CPNE4: variants seen among roughly 807,000 people sequenced by gnomAD.
The protein encoded by CPNE4 is copine-4.
A neutral mutation model predicts 67.9 loss-of-function variants in CPNE4; 25 were observed. That is an observed-to-expected ratio of 0.37 (90% CI 0.27 to 0.51). The LOEUF is 0.51. Among genes scored for constraint, CPNE4 ranks in the 20% least tolerant of loss-of-function variants. The pLI is 0.93. For synonymous variants in CPNE4, 242 were observed against 244.9 expected, an observed-to-expected ratio of 0.99 and a Z score of 0.11; for missense variants, 464 against 690.8, an observed-to-expected ratio of 0.67 and a Z score of 3.68.
At chr3:131,630,594 A>T (rs983270611) in intron 7 of CPNE4, among the ~76,000 whole-genome samples, 2 of 152,224 alleles carry the variant, frequency 1.3e-5, no homozygotes, top group Non-Finnish European at 2.9e-5. Flanking sequence ...ATTTTAAACA[A>T]TGAAAATAAA....
chr3:131,801,559 G>C (rs114934294), intron 2 of CPNE4, among the ~76,000 whole-genome samples: 1 of 146,302 alleles, frequency 6.8e-6, no homozygotes, highest in Admixed American at 6.9e-5. Context: ...AACAATAGTA[G>C]AATCAAAATC....
At chr3:131,781,039 C>T (rs1214287657) in intron 2 of CPNE4, among the ~76,000 whole-genome samples, 1 of 151,956 alleles carries the variant, frequency 6.6e-6, no homozygotes, top group Non-Finnish European at 1.5e-5. Context: ...TCAGGCATCT[C>T]CTCAAAGTTC....
At chr3:131,760,625 C>T (rs1461543292) in intron 2 of CPNE4, among the ~76,000 whole-genome samples, 3 of 152,134 alleles carry the variant, frequency 2.0e-5, no homozygotes, top group African/African-American at 7.2e-5. Context: ...GTACAGGGTA[C>T]ACACCCATTT....
At chr3:131,717,699 G>A (rs2081736285) in intron 3 of CPNE4, among the ~76,000 whole-genome samples, 1 of 152,124 alleles carries the variant, frequency 6.6e-6, no homozygotes, top group African/African-American at 2.4e-5. Context: ...CTCTTGGACA[G>A]GCTCTTTTCT....
At chr3:131,984,823 T>C (rs922945773) in intron 1 of CPNE4, among the ~76,000 whole-genome samples, 1 of 152,212 alleles carries the variant, frequency 6.6e-6, no homozygotes, top group Non-Finnish European at 1.5e-5. Context: ...GAGGTCTATC[T>C]TCCACATTGG....
At position 132,034,556 on chromosome 3, in the gene CPNE4, C is replaced by T. The variant is rs2074306560; in HGVS notation, c.-2+11G>A. On this transcript the variant is annotated intron_variant, in intron 1 of 15. Transcript: ENST00000429747. ...CAGGAACACAGGAATGAAGAGTTGG[C>T]ATTTACTTACCTGGGTGTGCCAATC... 1.0e-6 allele frequency: 1 copy of T among 981,790 alleles called. No homozygotes were observed. The highest frequency in any genetic ancestry group is 4.7e-5 in the South Asian group (1 of 21,204). 60.8% of individuals were successfully genotyped at this position (981,790 alleles called of 1,614,324 possible).
intron 1 of CPNE4, among the ~76,000 whole-genome samples, chr3:131,932,288 T>A (rs930433723): frequency 3.3e-5 from 5 of 152,132 alleles, no homozygotes; most frequent in Non-Finnish European, 7.4e-5. Flanking sequence ...AACCTGGCTA[T>A]CTGAAATATG....
intron 2 of CPNE4, among the ~76,000 whole-genome samples, chr3:131,903,839 C>G (rs1366567712): frequency 3.9e-5 from 6 of 152,020 alleles, no homozygotes; most frequent in African/African-American, 1.4e-4. Flanking sequence ...TGATGTGTCC[C>G]CTTGTTCTTC....
intron 7 of CPNE4, among the ~76,000 whole-genome samples, chr3:131,652,442 C>T (rs1407696497): frequency 1.3e-5 from 2 of 152,148 alleles, no homozygotes; most frequent in Non-Finnish European, 2.9e-5. Context: ...ACCGGGAAAC[C>T]TCTCTAGGAC....
intron 2 of CPNE4, among the ~76,000 whole-genome samples, chr3:131,773,420 T>C (rs1048154903): frequency 1.3e-5 from 2 of 152,098 alleles, no homozygotes; most frequent in Admixed American, 6.6e-5. Context: ...TGATCTCAGC[T>C]CACTTCACAC....
intron 2 of CPNE4, among the ~76,000 whole-genome samples, chr3:131,832,855 G>A (rs2085426192): frequency 6.6e-6 from 1 of 152,182 alleles, no homozygotes; most frequent in Admixed American, 6.5e-5. Flanking sequence ...TATTTTGCAT[G>A]AGAAGTACAC....
At chr3:132,031,638 T>G (rs966050413) in intron 1 of CPNE4, among the ~76,000 whole-genome samples, 18 of 152,200 alleles carry the variant, frequency 1.2e-4, no homozygotes, top group African/African-American at 4.1e-4. Context: ...AATGAAAAGA[T>G]CCTTTCTTTA....
intron 6 of CPNE4, among the ~76,000 whole-genome samples, chr3:131,671,083 C>T (rs988278795): frequency 4.6e-5 from 7 of 152,082 alleles, no homozygotes; most frequent in East Asian, 1.9e-4. Context: ...CCACAGCACC[C>T]GACCTAGAAT....
chr3:131,964,922 T>G (rs1005974123), intron 1 of CPNE4, among the ~76,000 whole-genome samples: 1 of 152,008 alleles, frequency 6.6e-6, no homozygotes, highest in Admixed American at 6.6e-5. Context: ...CACATAATCA[T>G]CAGATTCTCC....
At chr3:131,691,723 G>A (rs528325238) in intron 5 of CPNE4, among the ~76,000 whole-genome samples, 1 of 151,994 alleles carries the variant, frequency 6.6e-6, no homozygotes, top group South Asian at 2.1e-4. Flanking sequence ...AAAAAAAAGT[G>A]GGCTACTATG....
chr3:131,569,114 C>T (rs1937203932), intron 10 of CPNE4, among the ~76,000 whole-genome samples: 1 of 152,022 alleles, frequency 6.6e-6, no homozygotes, highest in African/African-American at 2.4e-5. Flanking sequence ...GTCACCTAAA[C>T]TTACTTGGTT....
At chr3:131,701,648 A>C (rs2081304717) in intron 3 of CPNE4, among the ~76,000 whole-genome samples, 1 of 152,166 alleles carries the variant, frequency 6.6e-6, no homozygotes, top group Non-Finnish European at 1.5e-5. Context: ...AACAGCCAGG[A>C]GCGTAAGCCT....
chr3:132,014,637 G>T (rs1398307516), intron 1 of CPNE4, among the ~76,000 whole-genome samples: 1 of 151,976 alleles, frequency 6.6e-6, no homozygotes, highest in East Asian at 1.9e-4. Context: ...ATTGACATTT[G>T]GGAGTAGAAA....
chr3:131,564,408 G>A, intron 10 of CPNE4, 59 bp from the exon 11 acceptor site: 1 of 1,543,194 alleles, frequency 6.5e-7, no homozygotes, highest in South Asian at 1.2e-5. Context: ...CCTAAGAATT[G>A]TGATCAGTCA....
Sources: gnomAD v4.1 joint callset for allele counts (sites outside exome capture counted in the v4.1 genomes callset) on GRCh38, gnomAD v4.1.1 for gene constraint, MANE v1.5 for transcripts, NCBI Gene and HGNC (gene_info 2026-07-23, HGNC 2026-07-21) for gene names.